The following XRN1 variants were observed in gnomAD, a reference collection of about 807,000 sequenced individuals.
XRN1 encodes the protein 5'-3' exoribonuclease 1, also known as strand-exchange protein 1 homolog.
XRN1 carries 67 observed loss-of-function variants against 222.3 expected under a neutral mutation model. The observed-to-expected ratio is 0.30, with a 90% CI of 0.25 to 0.37. The LOEUF is 0.37. Among genes scored for constraint, XRN1 ranks in the 10% least tolerant of loss-of-function variants. XRN1 has a pLI of 1.00. For missense variants in XRN1, 1,707 were observed against 2,000.2 expected, an observed-to-expected ratio of 0.85 and a Z score of 2.80; for synonymous variants, 643 against 652.4, an observed-to-expected ratio of 0.99 and a Z score of 0.22.
intron 23 of XRN1, among the ~76,000 whole-genome samples, chr3:142,377,496 A>G (rs1030179779): frequency 6.6e-6 from 1 of 152,224 alleles, no homozygotes; most frequent in Admixed American, 6.5e-5. Context: ...ACATTTAATT[A>G]CAATAACTGG....
intron 27 of XRN1, among the ~76,000 whole-genome samples, chr3:142,366,236 T>C (rs2107867374): frequency 6.6e-6 from 1 of 152,332 alleles, no homozygotes; most frequent in Non-Finnish European, 1.5e-5. Context: ...TCTTATCGAA[T>C]TTTAAAAATT....
intron 10 of XRN1, 143 bp downstream of exon 10, chr3:142,420,873 A>G: frequency 9.6e-7 from 1 of 1,038,376 alleles, no homozygotes; most frequent in Non-Finnish European, 1.4e-6. Context: ...AAAAGAAACC[A>G]AATCAATTTC....
chr3:142,439,872 A>C (rs967230227), intron 1 of XRN1, among the ~76,000 whole-genome samples: 1 of 152,206 alleles, frequency 6.6e-6, no homozygotes, highest in African/African-American at 2.4e-5. Context: ...TGCGGTCCGC[A>C]AGGACACTTT....
At chr3:142,384,083 A>T (rs369047629) in intron 21 of XRN1, among the ~76,000 whole-genome samples, 26 of 151,944 alleles carry the variant, frequency 1.7e-4, no homozygotes, top group Admixed American at 1.5e-3. Flanking sequence ...ATCCTGGCTA[A>T]CATGGTGAAA....
chr3:142,432,598 C>T, intron 2 of XRN1, 63 bp downstream of exon 2: 1 of 1,364,930 alleles, frequency 7.3e-7, no homozygotes, highest in Non-Finnish European at 9.9e-7. Context: ...AATCAATTAT[C>T]TTTAAAATAA....
At chr3:142,353,393 T>A (rs1385081850) in intron 32 of XRN1, among the ~76,000 whole-genome samples, 2 of 152,172 alleles carry the variant, frequency 1.3e-5, no homozygotes, top group Non-Finnish European at 1.5e-5. Flanking sequence ...GTTGGAGACA[T>A]CACATTACCT....
At chr3:142,355,280 C>T in intron 32 of XRN1, 121 bp downstream of exon 32, 1 of 493,726 alleles carries the variant, frequency 2.0e-6, no homozygotes, top group Non-Finnish European at 3.3e-6. Flanking sequence ...AATTCATGAT[C>T]AAAATTGTCA....
intron 24 of XRN1, 121 bp downstream of exon 24, chr3:142,376,358 G>A (rs1267088902): frequency 1.2e-6 from 1 of 842,742 alleles, no homozygotes; most frequent in East Asian, 2.7e-5. Flanking sequence ...AGAAATTTAT[G>A]CACAATTTTA....
intron 15 of XRN1, among the ~76,000 whole-genome samples, chr3:142,409,856 G>A (rs1206983107): frequency 1.3e-5 from 2 of 152,094 alleles, no homozygotes; most frequent in Non-Finnish European, 2.9e-5. Flanking sequence ...ATGTTGTTAA[G>A]TTTATAGCTG....
At chr3:142,432,504 T>C (rs2069673386) in intron 2 of XRN1, among the ~76,000 whole-genome samples, 157 bp downstream of exon 2, 1 of 151,958 alleles carries the variant, frequency 6.6e-6, no homozygotes, top group Non-Finnish European at 1.5e-5. Flanking sequence ...AACTCATTAC[T>C]CGACTGGTAA....
At chr3:142,378,679 T>C (rs1287265756) in intron 23 of XRN1, among the ~76,000 whole-genome samples, 2 of 151,358 alleles carry the variant, frequency 1.3e-5, no homozygotes, top group Admixed American at 6.6e-5. Context: ...TTCCCAGAAA[T>C]AGAAAGCAGG....
intron 20 of XRN1, among the ~76,000 whole-genome samples, chr3:142,391,162 C>T (rs2067697181): frequency 6.6e-6 from 1 of 152,030 alleles, no homozygotes; most frequent in African/African-American, 2.4e-5. Context: ...GAAGTGAGCA[C>T]ATACTGTTGG....
intron 27 of XRN1, among the ~76,000 whole-genome samples, chr3:142,368,582 T>TG (rs1244941024): frequency 1.3e-5 from 2 of 152,214 alleles, no homozygotes; most frequent in African/African-American, 2.4e-5. Context: ...GGGTTAAAAT[T>TG]GGGGGGCTTA....
In XRN1 at chr3:142,307,088, C is replaced by G. The variant is rs942308323; in HGVS notation, c.*4423G>C. The stretch of plus-strand genomic sequence containing the variant: ...AAATACTCAAAGAAGCAGTTGGATA[C>G]AGGCAAAAGAAAATATGATACTTAA... On this transcript the variant is annotated 3_prime_UTR_variant, in exon 41 of 41. Coordinates refer to ENST00000392981, the MANE Select transcript of XRN1 (RefSeq NM_001282857.2). 1 of 152,310 alleles carries G rather than the reference C, an allele frequency of 6.6e-6. No homozygotes were observed. Among genetic ancestry groups the G allele is most frequent in the East Asian group, 1.9e-4 (1 of 5,192 alleles). 9.4% of individuals were successfully genotyped at this position (152,310 alleles called of 1,614,324 possible).
Position 142,307,675 on chromosome 3 carries a change from T to C in XRN1, c.*3836A>G, listed in dbSNP as rs1411885478. The stretch of plus-strand genomic sequence containing the variant: ...TGGTTCAACACTATCTCTTACTGTA[T>C]TGGAGAAGTTTGATGGAAATATGAA... On this transcript the variant is annotated 3_prime_UTR_variant, in exon 41 of 41. Coordinates refer to ENST00000392981, the MANE Select transcript of XRN1 (RefSeq NM_001282857.2). The C allele has an allele frequency of 6.6e-6, 1 of 152,184 alleles. No individual in the cohort carries two copies. Among genetic ancestry groups the C allele is most frequent in the Non-Finnish European group, 1.5e-5 (1 of 68,032 alleles). 9.4% of individuals were successfully genotyped at this position (152,184 alleles called of 1,614,324 possible).
intron 1 of XRN1, among the ~76,000 whole-genome samples, chr3:142,446,170 A>G (rs1430173598): frequency 3.9e-5 from 6 of 152,176 alleles, no homozygotes; most frequent in Admixed American, 2.0e-4. Flanking sequence ...TATGCTACTG[A>G]GGCCACACCA....
chr3:142,319,012 G>A, intron 37 of XRN1, 109 bp from the exon 38 acceptor site: 1 of 951,678 alleles, frequency 1.1e-6, no homozygotes, highest in Non-Finnish European at 1.5e-6. Flanking sequence ...TTTAAAAAAG[G>A]GCTTTCAGTT....
At chr3:142,419,775 T>C (rs1281777942) in intron 10 of XRN1, among the ~76,000 whole-genome samples, 1 of 150,380 alleles carries the variant, frequency 6.6e-6, no homozygotes, top group African/African-American at 2.5e-5. Flanking sequence ...GCCACTGCAC[T>C]CCAGCCTGAG....
chr3:142,374,995 C>T (rs1011964824), intron 25 of XRN1, among the ~76,000 whole-genome samples: 6 of 152,178 alleles, frequency 3.9e-5, no homozygotes, highest in East Asian at 1.9e-4. Flanking sequence ...CACATAAACA[C>T]GGAGGATTGC....
Sources: gnomAD v4.1 joint callset for allele counts (sites outside exome capture counted in the v4.1 genomes callset) on GRCh38, gnomAD v4.1.1 for gene constraint, MANE v1.5 for transcripts, NCBI Gene and HGNC (gene_info 2026-07-23, HGNC 2026-07-21) for gene names.